LNPK: variants seen among roughly 807,000 people sequenced by gnomAD.
The protein encoded by LNPK is lunapark, ER junction formation factor, also known as endoplasmic reticulum junction formation protein lunapark.
A neutral mutation model predicts 55.2 loss-of-function variants in LNPK; 29 were observed. The observed-to-expected ratio is 0.53, with a 90% confidence interval of 0.39 to 0.72. The LOEUF is 0.72. Among genes scored for constraint, LNPK ranks in the 30% least tolerant of loss-of-function variants. The pLI, the probability that LNPK is intolerant of heterozygous loss-of-function variation, is 0.00. For missense variants in LNPK, 467 were observed against 494.8 expected, an observed-to-expected ratio of 0.94 and a Z score of 0.53; for synonymous variants, 162 against 168.2, an observed-to-expected ratio of 0.96 and a Z score of 0.29.
At chr2:175,982,351 A>G (rs1224496794) in intron 4 of LNPK, among the ~76,000 whole-genome samples, 2 of 152,204 alleles carry the variant, frequency 1.3e-5, no homozygotes, top group Non-Finnish European at 2.9e-5. Context: ...CAGTGTAAAT[A>G]CTACAAAAAT....
intron 8 of LNPK, among the ~76,000 whole-genome samples, chr2:175,960,111 G>A (rs941867557): frequency 2.0e-5 from 3 of 151,988 alleles, no homozygotes; most frequent in African/African-American, 4.8e-5. Context: ...ACAATAATGG[G>A]AGACTTTAAC....
chr2:175,929,699 T>C lies in LNPK; in HGVS notation c.*268A>G, dbSNP rs940152014. On this transcript the variant is annotated 3_prime_UTR_variant, in exon 13 of 13. Transcript: ENST00000272748. ...GAAGGCAATCATGTTTGCTTACTTT[T>C]AGAATGGACAAAAAAGTATCTAAAA... 1.5e-5 allele frequency: 19 copies of C among 1,263,882 alleles called. No homozygotes were observed. The Admixed American group carries it at 1.5e-4, about 10-fold the overall frequency. The allele number at this position is 1,263,882 out of a possible 1,614,324, so 78.3% of individuals were successfully genotyped here.
chr2:175,969,509 C>CT (rs1686554130), intron 6 of LNPK, among the ~76,000 whole-genome samples: 1 of 152,170 alleles, frequency 6.6e-6, no homozygotes, highest in Admixed American at 6.5e-5. Context: ...TCACTTAGGA[C>CT]TTTTTTCTTT....
At chr2:175,940,346 GAAC>G (rs1180565364) in intron 9 of LNPK, among the ~76,000 whole-genome samples, 2 of 151,716 alleles carry the variant, frequency 1.3e-5, no homozygotes, top group South Asian at 2.1e-4. Flanking sequence ...CACAGAGAAA[GAAC>G]AACAAAGATT....
chr2:175,935,095 C>T (rs931878492), intron 12 of LNPK, among the ~76,000 whole-genome samples: 2 of 152,012 alleles, frequency 1.3e-5, no homozygotes, highest in Non-Finnish European at 2.9e-5. Flanking sequence ...AATATTTCTT[C>T]TATTAATTCT....
At chr2:175,994,106 CT>C in intron 2 of LNPK, 1 of 850,862 alleles carries the variant, frequency 1.2e-6, no homozygotes. Context: ...GCCAAAATCA[CT>C]CATAAAACAC....
intron 12 of LNPK, among the ~76,000 whole-genome samples, chr2:175,932,989 T>C (rs1231617091): frequency 6.6e-6 from 1 of 152,094 alleles, no homozygotes; most frequent in Non-Finnish European, 1.5e-5. Flanking sequence ...CATGAAACAA[T>C]TACCTGAATG....
intron 9 of LNPK, chr2:175,941,037 C>A (rs1337568656): frequency 4.5e-6 from 2 of 449,166 alleles, no homozygotes; most frequent in East Asian, 1.5e-4. Flanking sequence ...CACTTGAGCT[C>A]AGGTGTTCAA....
chr2:175,959,900 G>C (rs1685918171), intron 8 of LNPK, among the ~76,000 whole-genome samples: 1 of 151,402 alleles, frequency 6.6e-6, no homozygotes, highest in African/African-American at 2.4e-5. Flanking sequence ...AAAAAAAGCA[G>C]GGGTTACAAT....
intron 8 of LNPK, among the ~76,000 whole-genome samples, chr2:175,955,156 T>C (rs1685631065): frequency 6.6e-6 from 1 of 152,222 alleles, no homozygotes; most frequent in East Asian, 1.9e-4. Flanking sequence ...CAAAATCCTT[T>C]GATTCTCCTT....
chr2:175,975,280 C>G (rs953399391), intron 5 of LNPK, among the ~76,000 whole-genome samples: 4 of 152,146 alleles, frequency 2.6e-5, no homozygotes, highest in Admixed American at 6.5e-5. Flanking sequence ...CAAGTGAATA[C>G]TGTACTCAGT....
intron 8 of LNPK, among the ~76,000 whole-genome samples, chr2:175,958,434 G>A (rs1685811773): frequency 6.6e-6 from 1 of 152,200 alleles, no homozygotes; most frequent in Admixed American, 6.5e-5. Context: ...ACAGGGTCTG[G>A]AGTGGACCTC....
chr2:175,973,271 C>T (rs898619081), intron 5 of LNPK, among the ~76,000 whole-genome samples: 2 of 152,144 alleles, frequency 1.3e-5, no homozygotes, highest in African/African-American at 4.8e-5. Context: ...AGGTTTTGAG[C>T]TCAAAATATG....
At chr2:175,999,860 G>C (rs1688097203) in intron 1 of LNPK, among the ~76,000 whole-genome samples, 1 of 152,070 alleles carries the variant, frequency 6.6e-6, no homozygotes, top group Non-Finnish European at 1.5e-5. Flanking sequence ...CCGCCTCCTG[G>C]GTTCAAGTGA....
intron 8 of LNPK, among the ~76,000 whole-genome samples, chr2:175,962,485 A>G (rs1686091799): frequency 1.3e-5 from 2 of 152,336 alleles, no homozygotes; most frequent in Admixed American, 6.5e-5. Context: ...TGGTGCTGGG[A>G]AAACTGGCTA....
chr2:175,925,410 A>T lies in LNPK; in HGVS notation c.*4557T>A, dbSNP rs530505269. 3.9e-5 allele frequency: 6 copies of T among 152,320 alleles called. No individual in the cohort carries two copies. In the East Asian group the frequency reaches 7.7e-4, roughly 20 times the overall value. The allele number at this position is 152,320 out of a possible 1,614,324, so 9.4% of individuals were successfully genotyped here. The stretch of plus-strand genomic sequence containing the variant: ...TGGGAGCGTATCTCAGGCAGAGGAA[A>T]AGCTCAAGAAGGCTGGGAGATGAGA... On this transcript the variant is annotated 3_prime_UTR_variant, in exon 13 of 13. Coordinates refer to ENST00000272748, the MANE Select transcript of LNPK (RefSeq NM_030650.3).
At position 175,925,305 on chromosome 2, in the gene LNPK, C is replaced by G. The variant is rs149799165; in HGVS notation, c.*4662G>C. 8.7e-4 allele frequency: 133 copies of G among 152,248 alleles called. No homozygotes were observed. The highest frequency in any genetic ancestry group is 3.2e-3 in the African/African-American group (131 of 41,534). The allele number at this position is 152,248 out of a possible 1,614,324, so 9.4% of individuals were successfully genotyped here. ...AGCTTAACAAGAAGTAGCAAAATTTCCAAACTTGGGTTCCAAGTGGAACGA... is the reference window on the plus strand; with the variant it reads ...AGCTTAACAAGAAGTAGCAAAATTTGCAAACTTGGGTTCCAAGTGGAACGA... On this transcript the variant is annotated 3_prime_UTR_variant, in exon 13 of 13. Transcript: ENST00000272748.
intron 1 of LNPK, among the ~76,000 whole-genome samples, chr2:176,000,767 TCTAA>T (rs1303516516): frequency 6.6e-6 from 1 of 152,168 alleles, no homozygotes; most frequent in Non-Finnish European, 1.5e-5. Context: ...ATTCTAGAAT[TCTAA>T]CTTTCAAATG....
chr2:175,953,153 G>C (rs1402200741), intron 8 of LNPK, among the ~76,000 whole-genome samples: 1 of 151,964 alleles, frequency 6.6e-6, no homozygotes, highest in East Asian at 1.9e-4. Flanking sequence ...TACCAATCTA[G>C]CTCTACTTTT....
Sources: allele counts gnomAD v4.1 joint callset (sites outside exome capture counted in the v4.1 genomes callset), GRCh38; gene constraint gnomAD v4.1.1; transcripts MANE v1.5; gene names NCBI Gene and HGNC (gene_info 2026-07-23, HGNC 2026-07-21).